The following PFAS variants were observed in gnomAD, a reference collection of about 807,000 sequenced individuals.
PFAS encodes the protein FGAM synthase.
PFAS carries 97 observed loss-of-function variants against 140.6 expected under a neutral mutation model. The observed-to-expected ratio is 0.69, with a 90% CI of 0.59 to 0.82. The LOEUF (loss-of-function observed/expected upper bound fraction) is 0.82. PFAS is among the 40% of genes least tolerant of loss of function. PFAS has a pLI of 0.00. For synonymous variants in PFAS, 679 were observed against 718.8 expected (o/e 0.94, Z 0.88); for missense variants, 1,656 against 1,780.2 (o/e 0.93, Z 1.26).
rs150944821 is a variant in PFAS, at chr17:8,253,970, C to G, written c.33C>G (p.Pro11=). 4.9e-4 allele frequency: 793 copies of G among 1,613,950 alleles called. 1 individual carries two copies. Among genetic ancestry groups the G allele is most frequent in the Non-Finnish European group, 6.4e-4 (752 of 1,179,992 alleles). The change falls in exon 2 of 28, where the codon CCC becomes CCG. Residue 11 remains proline, a synonymous_variant. Transcript: ENST00000314666. ...CAGTCCTTCACTTCTATGTTCGTCC[C>G]TCTGGCCATGAGGGGGCAGCCCCTG... is the stretch of plus-strand genomic sequence containing the variant. MSPVLHFYVR[P]SGHEGAAPGH...
Position 8,265,571 on chromosome 17 carries a change from C to T in PFAS, c.2477C>T (p.Ser826Leu). The change falls in exon 20 of 28, where the codon TCA becomes TTA. Residue 826 changes from serine to leucine, a missense_variant. This residue lies in a region of PFAS where 883 missense variants were observed against 1,023.0 expected (regional missense o/e 0.86). Transcript: ENST00000314666. ...TGCTCTACAGGGTCACTGGTCATCT[C>T]AGCCTATGCCGTCTGCCCAGACATC... The part of the protein sequence containing the change: ...TVRAPGSLVI[S>L]AYAVCPDITA... 1 of 1,614,138 alleles carries T rather than the reference C, an allele frequency of 6.2e-7. No homozygotes were observed. The highest frequency in any genetic ancestry group is 8.5e-7 in the Non-Finnish European group (1 of 1,179,976).
In PFAS at chr17:8,254,309, T is replaced by A. The variant is rs1344313565; in HGVS notation, c.278+8T>A. 4 of 1,613,736 alleles carry A rather than the reference T, an allele frequency of 2.5e-6. No homozygotes were observed. The highest frequency in any genetic ancestry group is 3.4e-6 in the Non-Finnish European group (4 of 1,180,020). ...GCTGGAGGTCGGGCCCAGGTAAGTA[T>A]CTCATCCTGCCCACCCCTTTCTTCT... On this transcript the variant is annotated splice_region_variant and intron_variant, in intron 3 of 27. Coordinates refer to ENST00000314666, the MANE Select transcript of PFAS (RefSeq NM_012393.3).
At position 8,269,539 on chromosome 17, in the gene PFAS, G is replaced by T; in HGVS notation, c.*275G>T. On this transcript the variant is annotated 3_prime_UTR_variant, in exon 28 of 28. Transcript: ENST00000314666. ...GAAAAGAGCGACAAGGAAAAGTTAG[G>T]ACTCCTGAGGTCCGAACAGGGGCTT... is the stretch of plus-strand genomic sequence containing the variant. 2.4e-6 allele frequency: 1 copy of T among 412,178 alleles called. No individual in the cohort carries two copies. Among genetic ancestry groups the T allele is most frequent in the East Asian group, 4.1e-5 (1 of 24,422 alleles). The allele number at this position is 412,178 out of a possible 1,614,324, so 25.5% of individuals were successfully genotyped here.
At position 8,264,873 on chromosome 17, in the gene PFAS, C is replaced by T. The variant is rs772068492; in HGVS notation, c.2050-22C>T. 4 of 1,501,994 alleles carry T rather than the reference C, an allele frequency of 2.7e-6. No homozygotes were observed. In the East Asian group the frequency reaches 9.6e-5, roughly 36 times the overall value. The allele number at this position is 1,501,994 out of a possible 1,614,324, so 93.0% of individuals were successfully genotyped here. ...GCTGTCCCTGTCCCTTGCTCTCTTG[C>T]TAACCCCACCTGGTTCCACAGGTGG... On this transcript the variant is annotated intron_variant, in intron 17 of 27. Coordinates refer to ENST00000314666, the MANE Select transcript of PFAS (RefSeq NM_012393.3).
chr17:8,265,733 G>A (rs1989786840), intron 20 of PFAS, 94 bp downstream of exon 20: 1 of 1,366,692 alleles, frequency 7.3e-7, no homozygotes, highest in African/African-American at 1.4e-5. Flanking sequence ...TCAACACTGG[G>A]CTGTGGTGTT....
chr17:8,259,631 A>C (rs1251746514), intron 11 of PFAS, among the ~76,000 whole-genome samples: 1 of 151,814 alleles, frequency 6.6e-6, no homozygotes, highest in Non-Finnish European at 1.5e-5. Flanking sequence ...AAAATTAAGA[A>C]ATAAAACTTA....
At chr17:8,258,493 A>C (rs1989463205) in intron 11 of PFAS, among the ~76,000 whole-genome samples, 2 of 152,218 alleles carry the variant, frequency 1.3e-5, no homozygotes, top group Non-Finnish European at 2.9e-5. Flanking sequence ...CTTGGGAGCC[A>C]TGATGAACAA....
chr17:8,256,382 G>A lies in PFAS; in HGVS notation c.796G>A (p.Val266Ile), dbSNP rs779405841. 26 of 1,613,918 alleles carry A rather than the reference G, an allele frequency of 1.6e-5. No homozygotes were observed. Among genetic ancestry groups the A allele is most frequent in the African/African-American group, 4.0e-5 (3 of 74,906 alleles). Reference sequence around the variant, plus strand: ...CCAGGAATCCTCGAACCCCAACAACGTCCTCAAATTCTGTGATAACAGCAG... The same window carrying A: ...CCAGGAATCCTCGAACCCCAACAACATCCTCAAATTCTGTGATAACAGCAG... Reference protein sequence around the residue: ...STQESSNPNNVLKFCDNSSAI... With the variant: ...STQESSNPNNILKFCDNSSAI... The change falls in exon 7 of 28, where the codon GTC becomes ATC. Residue 266 changes from valine (V) to isoleucine (I), a missense_variant. Physicochemically the swap from Val to Ile is conservative, Grantham distance 29. Transcript: ENST00000314666.
chr17:8,256,925 G>T lies in PFAS; in HGVS notation c.1037G>T (p.Gly346Val), dbSNP rs1399956373. ...CTGRGAHVVA[G>V]TAGYCFGNLH... is the part of the protein sequence containing the mutation. ...GGCCGCGGGGCCCACGTGGTGGCTG[G>T]CACTGCCGGCTATTGCTTTGGAAAT... The change falls in exon 9 of 28, where the codon GGC becomes GTC. Residue 346 changes from glycine to valine, a missense_variant. This residue lies in a region of PFAS where 773 missense variants were observed against 757.3 expected (regional missense o/e 1.02). Transcript: ENST00000314666. 4 of 1,614,036 alleles carry T rather than the reference G, an allele frequency of 2.5e-6. No individual in the cohort carries two copies. Among genetic ancestry groups the T allele is most frequent in the Non-Finnish European group, 2.5e-6 (3 of 1,180,032 alleles).
rs539000541 is a variant in PFAS, at chr17:8,266,409, C to G, written c.2821+56C>G. The G allele has an allele frequency of 6.2e-7, 1 of 1,607,132 alleles. No individual in the cohort carries two copies. Reference sequence around the variant, plus strand: ...GGGCTGCCTTCTCTACCCTGCAGACCCCATTTCCAATATATTAAAGAGTGG... The same window carrying G: ...GGGCTGCCTTCTCTACCCTGCAGACGCCATTTCCAATATATTAAAGAGTGG... On this transcript the variant is annotated intron_variant, in intron 22 of 27. Transcript: ENST00000314666. This position sits in a 1 kb window ranked among gnomAD's most constrained non-coding sequence, Gnocchi z 5.0.
Position 8,263,133 on chromosome 17 carries a change from C to T in PFAS, c.1435C>T (p.Leu479=). Residue 479 remains leucine, a synonymous_variant, in exon 13 of 28, where the codon CTG becomes TTG. Transcript: ENST00000314666. ...GGTGCAGGGAGATAACACCAGTGAC[C>T]TGGACTTTGGGGCTGTGCAGCGAGG... ...VQVQGDNTSD[L]DFGAVQRGDP... 1 of 1,614,104 alleles carries T rather than the reference C, an allele frequency of 6.2e-7. No individual in the cohort carries two copies.
chr17:8,260,894 G>C (rs1350822149), intron 11 of PFAS, among the ~76,000 whole-genome samples: 1 of 152,214 alleles, frequency 6.6e-6, no homozygotes, highest in Non-Finnish European at 1.5e-5. Context: ...AAAGTGCTGG[G>C]ATTACAGGCG....
At chr17:8,265,683 C>A in intron 20 of PFAS, 44 bp downstream of exon 20, 2 of 1,558,880 alleles carry the variant, frequency 1.3e-6, no homozygotes, top group Non-Finnish European at 1.8e-6. Flanking sequence ...CTTGTGTGAT[C>A]TTTGTTTGGC....
chr17:8,248,580 C>G (rs1268701743), upstream of PFAS, among the ~76,000 whole-genome samples: 1 of 151,002 alleles, frequency 6.6e-6, no homozygotes, highest in Non-Finnish European at 1.5e-5. Flanking sequence ...TTTTTTGAGA[C>G]GAGGTCTCGC....
chr17:8,253,580 C>T (rs1038020206), intron 1 of PFAS, among the ~76,000 whole-genome samples: 3 of 152,082 alleles, frequency 2.0e-5, no homozygotes, highest in East Asian at 1.9e-4. Context: ...GCTCTTGTTG[C>T]CCAGGCTGGA....
Position 8,266,656 on chromosome 17 carries a change from C to G in PFAS, c.2822-97C>G. ...TACCCTACTCTCTGGCTGCATCCCT[C>G]TGACCCTCACCCTGGCCCTTCCTGC... On this transcript the variant is annotated intron_variant, in intron 22 of 27. Coordinates refer to ENST00000314666, the MANE Select transcript of PFAS (RefSeq NM_012393.3). The surrounding 1 kb of genome is among the most constrained non-coding windows in gnomAD (Gnocchi z 5.0). 6.6e-7 allele frequency: 1 copy of G among 1,521,368 alleles called. No individual in the cohort carries two copies. The highest frequency in any genetic ancestry group is 8.8e-7 in the Non-Finnish European group (1 of 1,140,458). 94.2% of individuals were successfully genotyped at this position (1,521,368 alleles called of 1,614,324 possible). A position where few individuals can be genotyped will look rare whatever the true frequency, so the allele number is the denominator to read the frequency against.
chr17:8,263,725 G>T lies in PFAS; in HGVS notation c.1630-50G>T, dbSNP rs562379200. The T allele has an allele frequency of 3.1e-6, 5 of 1,606,428 alleles. No homozygotes were observed. The South Asian group carries it at 5.5e-5, about 18-fold the overall frequency. ...CATCTCTCTTGCAACAACATGAGAC[G>T]TGGGAGTGCCCACTGGCCCTTCTCT... On this transcript the variant is annotated intron_variant, in intron 14 of 27. Transcript: ENST00000314666.
intron 13 of PFAS, 145 bp downstream of exon 13, chr17:8,263,410 G>A: frequency 9.0e-7 from 1 of 1,106,820 alleles, no homozygotes; most frequent in Admixed American, 1.9e-5. Context: ...CAGGTTCAGG[G>A]TTGGAAGGGT....
rs1365777148 is a variant in PFAS, at chr17:8,256,920, G to A, written c.1032G>A (p.Val344=). 4 of 1,614,100 alleles carry A rather than the reference G, an allele frequency of 2.5e-6. No homozygotes were observed. The highest frequency in any genetic ancestry group is 3.4e-6 in the Non-Finnish European group (4 of 1,180,052). Residue 344 remains valine (V), a synonymous_variant, in exon 9 of 28, where the codon GTG becomes GTA. Transcript: ENST00000314666. The part of the protein sequence containing the change: ...VQCTGRGAHV[V]AGTAGYCFGN... Reference sequence around the variant, plus strand: ...GCACAGGCCGCGGGGCCCACGTGGTGGCTGGCACTGCCGGCTATTGCTTTG... The same window carrying A: ...GCACAGGCCGCGGGGCCCACGTGGTAGCTGGCACTGCCGGCTATTGCTTTG...
Sources: gnomAD v4.1 joint callset for allele counts (sites outside exome capture counted in the v4.1 genomes callset) on GRCh38, gnomAD v4.1.1 for gene constraint, gnomAD v4.1.1 regional missense constraint, Gnocchi (gnomAD v3.1) non-coding constraint, MANE v1.5 for transcripts, NCBI Gene and HGNC (gene_info 2026-07-23, HGNC 2026-07-21) for gene names.